ERI3: variants seen among roughly 807,000 people sequenced by gnomAD.
ERI3 encodes the protein ERI1 exoribonuclease 3.
In ERI3, 18 loss-of-function variants were observed where a neutral mutation model predicts 44.4. The ratio of observed to expected loss-of-function variants is 0.41; its 90% CI spans 0.28 to 0.60. The LOEUF (loss-of-function observed/expected upper bound fraction) is 0.60. ERI3 is among the 20% of genes least tolerant of loss of function. ERI3 has a pLI of 0.36. For missense variants in ERI3, 294 were observed against 435.5 expected (o/e 0.68, Z 2.89); for synonymous variants, 183 against 164.8 (o/e 1.11, Z -0.84).
chr1:44,260,081 T>C (rs1347932239), intron 7 of ERI3, among the ~76,000 whole-genome samples: 2 of 152,148 alleles, frequency 1.3e-5, no homozygotes, highest in East Asian at 3.8e-4. Flanking sequence ...TACACAAGCA[T>C]TCATTCACTG....
At chr1:44,250,259 C>T (rs1572110393) in intron 7 of ERI3, among the ~76,000 whole-genome samples, 1 of 152,244 alleles carries the variant, frequency 6.6e-6, no homozygotes, top group African/African-American at 2.4e-5. Flanking sequence ...GCAGGGCTGC[C>T]GAGGCCCCTC....
intron 2 of ERI3, among the ~76,000 whole-genome samples, chr1:44,350,373 T>C (rs890416398): frequency 1.3e-5 from 2 of 152,126 alleles, no homozygotes; most frequent in Non-Finnish European, 2.9e-5. Flanking sequence ...GTGATTCTCA[T>C]GCCTCAGCCT....
chr1:44,300,997 A>G (rs1043401738), intron 6 of ERI3, among the ~76,000 whole-genome samples: 10 of 147,776 alleles, frequency 6.8e-5, no homozygotes, highest in African/African-American at 2.5e-4. Context: ...ATTAGAGGCA[A>G]GCCTGCCATG....
At chr1:44,330,296 A>T (rs540579119) in intron 3 of ERI3, among the ~76,000 whole-genome samples, 1 of 152,340 alleles carries the variant, frequency 6.6e-6, no homozygotes, top group Admixed American at 6.5e-5. Flanking sequence ...CCTTGGCTGG[A>T]ATGGCCTTCC....
At chr1:44,294,905 T>C (rs1321746300) in intron 6 of ERI3, among the ~76,000 whole-genome samples, 1 of 152,244 alleles carries the variant, frequency 6.6e-6, no homozygotes, top group Non-Finnish European at 1.5e-5. Context: ...TGATGCCCTC[T>C]GGAGGCTCCG....
At chr1:44,299,743 G>A (rs932001700) in intron 6 of ERI3, among the ~76,000 whole-genome samples, 3 of 152,108 alleles carry the variant, frequency 2.0e-5, no homozygotes, top group African/African-American at 7.2e-5. Context: ...CACCTAGGAG[G>A]TTGTGGCCTG....
At chr1:44,341,096 T>A (rs1434888587) in intron 2 of ERI3, among the ~76,000 whole-genome samples, 1 of 152,240 alleles carries the variant, frequency 6.6e-6, no homozygotes, top group African/African-American at 2.4e-5. Context: ...AGAATATGCG[T>A]AGTATATACA....
intron 3 of ERI3, among the ~76,000 whole-genome samples, chr1:44,329,358 A>G (rs1444338559): frequency 6.6e-6 from 1 of 152,146 alleles, no homozygotes; most frequent in East Asian, 1.9e-4. Context: ...ATCAACCATG[A>G]ATTTCCTTTC....
At chr1:44,248,432 A>G (rs1644600134) in intron 7 of ERI3, among the ~76,000 whole-genome samples, 1 of 152,036 alleles carries the variant, frequency 6.6e-6, no homozygotes, top group Admixed American at 6.5e-5. Context: ...TCCTCCTCAC[A>G]GTATTACTGT....
intron 6 of ERI3, among the ~76,000 whole-genome samples, chr1:44,305,629 T>C (rs1481591227): frequency 6.6e-6 from 1 of 152,210 alleles, no homozygotes; most frequent in African/African-American, 2.4e-5. Context: ...ATAAAATGAT[T>C]TGTCAGGATG....
At chr1:44,322,401 G>C (rs950703067) in intron 3 of ERI3, among the ~76,000 whole-genome samples, 3 of 151,758 alleles carry the variant, frequency 2.0e-5, no homozygotes, top group Non-Finnish European at 2.9e-5. Context: ...AAAAAAAGGA[G>C]GGGGGTAGGC....
At chr1:44,315,539 T>A (rs1311934726) in intron 4 of ERI3, among the ~76,000 whole-genome samples, 2 of 152,236 alleles carry the variant, frequency 1.3e-5, no homozygotes, top group Admixed American at 6.5e-5. Context: ...TCCAGCATCC[T>A]GGGGCTTTCA....
chr1:44,313,132 G>A, intron 5 of ERI3, 37 bp downstream of exon 5: 1 of 1,590,866 alleles, frequency 6.3e-7, no homozygotes, highest in Non-Finnish European at 8.6e-7. Context: ...CAGCAGGAAG[G>A]GGTCAGAGGT....
At chr1:44,265,373 A>G (rs1021283670) in intron 7 of ERI3, among the ~76,000 whole-genome samples, 1 of 152,232 alleles carries the variant, frequency 6.6e-6, no homozygotes, top group Non-Finnish European at 1.5e-5. Flanking sequence ...ACAGGTCCCA[A>G]CAATTTGCTA....
intron 2 of ERI3, among the ~76,000 whole-genome samples, chr1:44,344,535 C>T (rs1263486263): frequency 4.6e-5 from 7 of 152,298 alleles, no homozygotes; most frequent in Admixed American, 4.6e-4. Flanking sequence ...AGGAAACACA[C>T]CTGCTCCCTG....
chr1:44,304,535 G>A (rs1338048453), intron 6 of ERI3, among the ~76,000 whole-genome samples: 4 of 152,116 alleles, frequency 2.6e-5, no homozygotes, highest in South Asian at 2.1e-4. Context: ...AGCCCGACCC[G>A]CAGCAAGCAC....
At chr1:44,283,064 G>A (rs773905568) in intron 7 of ERI3, among the ~76,000 whole-genome samples, 13 of 152,208 alleles carry the variant, frequency 8.5e-5, no homozygotes, top group Non-Finnish European at 1.5e-4. Flanking sequence ...ATTGTTCATG[G>A]TCAGCGCCTG....
At chr1:44,222,021 G>A (rs1175107165) in intron 8 of ERI3, among the ~76,000 whole-genome samples, 2 of 152,226 alleles carry the variant, frequency 1.3e-5, no homozygotes, top group Admixed American at 1.3e-4. Context: ...GGGACGGCCC[G>A]TCCGCCACAC....
rs192599015 is a variant in ERI3, at chr1:44,297,010, A to G, written c.758+11300T>C. Among the ~76,000 whole-genome samples, 134 of 152,224 alleles carry G rather than the reference A, an allele frequency of 8.8e-4. 1 individual carries two copies. Among genetic ancestry groups the G allele is most frequent in the Non-Finnish European group, 2.8e-4 (19 of 67,998 alleles). ...TTTGCAGTCAGCACCGTGATTTGTTAGTAATTATTTCCATGGTGTCACATT... is the reference window on the plus strand; with the variant it reads ...TTTGCAGTCAGCACCGTGATTTGTTGGTAATTATTTCCATGGTGTCACATT... On this transcript the variant is annotated intron_variant, in intron 6 of 8. Coordinates refer to ENST00000372257, the MANE Select transcript of ERI3 (RefSeq NM_024066.3).
Sources: allele counts gnomAD v4.1 joint callset (sites outside exome capture counted in the v4.1 genomes callset), GRCh38; gene constraint gnomAD v4.1.1; transcripts MANE v1.5; gene names NCBI Gene and HGNC (gene_info 2026-07-23, HGNC 2026-07-21).